The following SF3B3 variants were observed in gnomAD, a reference collection of about 807,000 sequenced individuals.
The protein encoded by SF3B3 is SAP 130.
Under a neutral mutation model 139.2 loss-of-function variants are expected in SF3B3, and 33 were observed. The ratio of observed to expected loss-of-function variants is 0.24; its 90% CI spans 0.18 to 0.32. The LOEUF (loss-of-function observed/expected upper bound fraction) is 0.32, where lower values mean the gene tolerates loss of function less well. Among genes scored for constraint, SF3B3 ranks in the 10% least tolerant of loss-of-function variants. The probability of loss-of-function intolerance (pLI) is 1.00; values close to 1 mark genes in which losing one functional copy is unlikely to be tolerated. For missense variants in SF3B3, 818 were observed against 1,509.4 expected (o/e 0.54, Z 7.59); for synonymous variants, 596 against 563.6 (o/e 1.06, Z -0.81).
intron 10 of SF3B3, among the ~76,000 whole-genome samples, chr16:70,547,575 C>T (rs2050280404): frequency 6.6e-6 from 1 of 152,076 alleles, no homozygotes; most frequent in South Asian, 2.1e-4. Flanking sequence ...ACAGTTAGTA[C>T]CCTAAGAGGT....
chr16:70,539,025 GC>G, intron 7 of SF3B3, 78 bp from the exon 8 acceptor site: 1 of 1,010,580 alleles, frequency 9.9e-7, no homozygotes. Context: ...TATTTTATTT[GC>G]TACTCAGCCT....
chr16:70,543,189 C>T (rs1021456789), intron 9 of SF3B3, among the ~76,000 whole-genome samples: 1 of 151,558 alleles, frequency 6.6e-6, no homozygotes, highest in Non-Finnish European at 1.5e-5. Context: ...GGGCAGATCA[C>T]CTGAGGTTGG....
chr16:70,546,341 A>G (rs780456681), intron 10 of SF3B3, among the ~76,000 whole-genome samples: 1 of 152,234 alleles, frequency 6.6e-6, no homozygotes, highest in Non-Finnish European at 1.5e-5. Flanking sequence ...GATGAAAGCT[A>G]GTGCTTTACA....
At chr16:70,525,647 T>C (rs1219692859) in intron 1 of SF3B3, among the ~76,000 whole-genome samples, 2 of 152,094 alleles carry the variant, frequency 1.3e-5, no homozygotes, top group African/African-American at 2.4e-5. Context: ...CATGTTTTAC[T>C]GTGGTCCTAG....
intron 4 of SF3B3, among the ~76,000 whole-genome samples, chr16:70,531,482 G>A (rs2050121275): frequency 6.6e-6 from 1 of 152,070 alleles, no homozygotes; most frequent in South Asian, 2.1e-4. Flanking sequence ...TCACTATGTT[G>A]GCCAGGCTGG....
At chr16:70,552,237 G>A (rs1312198014) in intron 11 of SF3B3, among the ~76,000 whole-genome samples, 2 of 152,104 alleles carry the variant, frequency 1.3e-5, no homozygotes, top group Non-Finnish European at 2.9e-5. Context: ...ACAGCCTTTT[G>A]TTGTTTGGCT....
intron 9 of SF3B3, among the ~76,000 whole-genome samples, chr16:70,542,557 T>A (rs114664690): frequency 6.6e-6 from 1 of 152,172 alleles, no homozygotes; most frequent in Non-Finnish European, 1.5e-5. Context: ...ATCACACTTC[T>A]GATGGGAGAG....
intron 5 of SF3B3, 150 bp downstream of exon 5, chr16:70,532,770 T>A: frequency 1.3e-6 from 1 of 749,250 alleles, no homozygotes; most frequent in Non-Finnish European, 2.2e-6. Context: ...GTTCATGTGG[T>A]GGAGTGATTT....
At chr16:70,540,245 T>C (rs1283099205) in intron 8 of SF3B3, among the ~76,000 whole-genome samples, 1 of 150,900 alleles carries the variant, frequency 6.6e-6, no homozygotes, top group African/African-American at 2.4e-5. Context: ...AAGTACAAAA[T>C]GAGCTGGTCT....
At chr16:70,542,501 C>G (rs776930295) in intron 9 of SF3B3, among the ~76,000 whole-genome samples, 2 of 152,124 alleles carry the variant, frequency 1.3e-5, no homozygotes, top group African/African-American at 2.4e-5. Flanking sequence ...GCTGCATCCT[C>G]AATTGTCAGG....
chr16:70,569,230 C>A, intron 23 of SF3B3, 89 bp downstream of exon 23: 1 of 859,992 alleles, frequency 1.2e-6, no homozygotes, highest in Non-Finnish European at 1.9e-6. Flanking sequence ...GTGAATTATT[C>A]ATAGTGCACA....
intron 15 of SF3B3, among the ~76,000 whole-genome samples, chr16:70,559,318 GT>G (rs1308304623): frequency 6.6e-6 from 1 of 152,094 alleles, no homozygotes; most frequent in Non-Finnish European, 1.5e-5. Flanking sequence ...TTGTTCACCT[GT>G]TTTCAGAGTA....
chr16:70,542,208 T>C (rs975534273), intron 9 of SF3B3, among the ~76,000 whole-genome samples: 2 of 126,404 alleles, frequency 1.6e-5, no homozygotes, highest in South Asian at 3.7e-4. Flanking sequence ...TTTACAATCA[T>C]GTATATGTTT....
chr16:70,560,768 G>A (rs1402152021), intron 16 of SF3B3, among the ~76,000 whole-genome samples, 177 bp downstream of exon 16: 1 of 152,126 alleles, frequency 6.6e-6, no homozygotes, highest in Non-Finnish European at 1.5e-5. Context: ...GGGCTCCATC[G>A]CACCATGTCA....
intron 10 of SF3B3, among the ~76,000 whole-genome samples, chr16:70,544,818 A>G (rs1318966750): frequency 6.6e-6 from 1 of 151,982 alleles, no homozygotes; most frequent in Non-Finnish European, 1.5e-5. Context: ...AGCCTCCCAA[A>G]GTGTTGCTTA....
intron 21 of SF3B3, among the ~76,000 whole-genome samples, chr16:70,567,757 C>T (rs1179149405): frequency 6.6e-6 from 1 of 152,204 alleles, no homozygotes; most frequent in Non-Finnish European, 1.5e-5. Context: ...GCAATCTCGG[C>T]TCACTGCAAC....
chr16:70,524,922 C>T (rs2050040024), intron 1 of SF3B3: 1 of 151,962 alleles, frequency 6.6e-6, no homozygotes, highest in South Asian at 2.1e-4. Flanking sequence ...CCTTGATCCA[C>T]CCGCCTTGGC....
Position 70,574,973 on chromosome 16 carries a change from A to C in SF3B3, c.*3160A>C, listed in dbSNP as rs1046352616. 2.0e-5 allele frequency: 3 copies of C among 152,172 alleles called. No individual in the cohort carries two copies. The highest frequency in any genetic ancestry group is 2.0e-4 in the Admixed American group (3 of 15,282). 9.4% of individuals were successfully genotyped at this position (152,172 alleles called of 1,614,324 possible). Reference sequence around the variant, plus strand: ...GCTGAAATCAAACCTGGTCCAAAAAACGTCACAACGGAGGAAAGGAATAGA... The same window carrying C: ...GCTGAAATCAAACCTGGTCCAAAAACCGTCACAACGGAGGAAAGGAATAGA... On this transcript the variant is annotated 3_prime_UTR_variant, in exon 26 of 26. Transcript: ENST00000302516.
Position 70,560,533 on chromosome 16 carries a change from G to A in SF3B3, c.2075G>A (p.Arg692Gln). 1.2e-6 allele frequency: 2 copies of A among 1,613,882 alleles called. No homozygotes were observed. The highest frequency in any genetic ancestry group is 1.7e-6 in the Non-Finnish European group (2 of 1,179,822). The change falls in exon 16 of 26, where the codon CGG becomes CAG. Residue 692 changes from arginine to glutamine, a missense_variant. Transcript: ENST00000302516. ...GGGGATTTGTCTGATACTCGCACTC[G>A]GTACCTGGGGTCCCGTCCTGTGAAG... Reference protein sequence around the residue: ...VTGDLSDTRTRYLGSRPVKLF... With the variant: ...VTGDLSDTRTQYLGSRPVKLF...
Sources: gnomAD v4.1 joint callset for allele counts (sites outside exome capture counted in the v4.1 genomes callset) on GRCh38, gnomAD v4.1.1 for gene constraint, MANE v1.5 for transcripts, NCBI Gene and HGNC (gene_info 2026-07-23, HGNC 2026-07-21) for gene names.